TENM3: variants seen among roughly 807,000 people sequenced by gnomAD.
TENM3 encodes the protein teneurin-3.
In TENM3, 63 loss-of-function variants were observed where a neutral mutation model predicts 255.1. The observed-to-expected ratio is 0.25, with a 90% CI of 0.20 to 0.30. The LOEUF (loss-of-function observed/expected upper bound fraction) is 0.30, where lower values mean the gene tolerates loss of function less well. TENM3 is among the 10% of genes least tolerant of loss of function. TENM3 has a pLI of 1.00. For synonymous variants in TENM3, 1,306 were observed against 1,322.3 expected (o/e 0.99, Z 0.27); for missense variants, 2,929 against 3,461.1 (o/e 0.85, Z 3.86).
intron 1 of TENM3, among the ~76,000 whole-genome samples, chr4:182,313,714 G>C (rs1184522407): frequency 6.6e-6 from 1 of 152,064 alleles, no homozygotes; most frequent in Non-Finnish European, 1.5e-5. Context: ...CAGTGCTTAG[G>C]GGATGGCCTC....
the TENM3 span, among the ~76,000 whole-genome samples, chr4:181,570,849 G>A: frequency 2.6e-5 from 4 of 152,178 alleles, no homozygotes; most frequent in African/African-American, 7.2e-5. Context: ...GGGATGGAGC[G>A]AGAGAAGGTG....
the TENM3 span, among the ~76,000 whole-genome samples, chr4:181,525,665 A>G: frequency 6.6e-6 from 1 of 152,094 alleles, no homozygotes; most frequent in Non-Finnish European, 1.5e-5. Context: ...TTTTTGTATA[A>G]CTAGAATGTT....
At chr4:181,702,232 C>T in the TENM3 span, among the ~76,000 whole-genome samples, 1 of 152,170 alleles carries the variant, frequency 6.6e-6, no homozygotes, top group African/African-American at 2.4e-5. Flanking sequence ...GTCATTCCTT[C>T]GTTTTTCTGT....
At chr4:182,250,406 T>C (rs1312813696) in intron 1 of TENM3, among the ~76,000 whole-genome samples, 1 of 152,184 alleles carries the variant, frequency 6.6e-6, no homozygotes, top group African/African-American at 2.4e-5. Context: ...CCACTTGGCC[T>C]TATTATCCTT....
intron 22 of TENM3, among the ~76,000 whole-genome samples, chr4:182,762,696 G>A (rs1168106568): frequency 6.6e-6 from 1 of 152,174 alleles, no homozygotes; most frequent in African/African-American, 2.4e-5. Flanking sequence ...TCCTAGAGTG[G>A]TGTCAGAATA....
intron 3 of TENM3, among the ~76,000 whole-genome samples, chr4:182,435,414 C>T (rs1049415805): frequency 6.6e-6 from 1 of 152,018 alleles, no homozygotes; most frequent in Non-Finnish European, 1.5e-5. Context: ...GTCTTTATGC[C>T]AGGAAAAAGC....
chr4:182,494,077 C>T (rs1322041591), intron 3 of TENM3, among the ~76,000 whole-genome samples: 2 of 152,012 alleles, frequency 1.3e-5, no homozygotes, highest in East Asian at 1.9e-4. Flanking sequence ...AGATGGGTTT[C>T]GTGCATTTTC....
chr4:181,593,619 T>C, the TENM3 span, among the ~76,000 whole-genome samples: 3 of 152,216 alleles, frequency 2.0e-5, no homozygotes, highest in African/African-American at 4.8e-5. Context: ...TTTGTTAGTA[T>C]ACATATTTTT....
chr4:182,705,682 T>A (rs985754525), intron 12 of TENM3, among the ~76,000 whole-genome samples: 1 of 152,190 alleles, frequency 6.6e-6, no homozygotes, highest in Non-Finnish European at 1.5e-5. Flanking sequence ...ATTAACCTTG[T>A]TCCATGTCTC....
At chr4:181,792,288 CTTG>C in the TENM3 span, among the ~76,000 whole-genome samples, 3 of 152,060 alleles carry the variant, frequency 2.0e-5, no homozygotes, top group African/African-American at 7.2e-5. Context: ...CATAAACATT[CTTG>C]TGTATTTTGA....
At chr4:181,703,581 G>T in the TENM3 span, among the ~76,000 whole-genome samples, 7 of 152,224 alleles carry the variant, frequency 4.6e-5, no homozygotes, top group East Asian at 1.4e-3. Flanking sequence ...ACTTGATCAG[G>T]GTCACTGTGT....
chr4:181,832,613 C>T, the TENM3 span, among the ~76,000 whole-genome samples: 1 of 152,140 alleles, frequency 6.6e-6, no homozygotes, highest in Non-Finnish European at 1.5e-5. Context: ...TCTATAGATA[C>T]GCTAAGAGAC....
the TENM3 span, among the ~76,000 whole-genome samples, chr4:182,062,797 G>A: frequency 2.5e-4 from 38 of 152,340 alleles, no homozygotes; most frequent in Middle Eastern, 3.4e-3. Context: ...AGAGGGTTTT[G>A]AGAAGTTTAG....
intron 3 of TENM3, among the ~76,000 whole-genome samples, chr4:182,353,646 G>C (rs1186253154): frequency 6.6e-6 from 1 of 152,290 alleles, no homozygotes; most frequent in South Asian, 2.1e-4. Context: ...TCATGGGTAT[G>C]TACAAGTCAC....
intron 1 of TENM3, among the ~76,000 whole-genome samples, chr4:182,161,915 GTA>G (rs1467829022): frequency 1.2e-3 from 7 of 5,784 alleles, no homozygotes; most frequent in African/African-American, 2.2e-3. Context: ...ACACACACAT[GTA>G]TGTGTATATA....
the TENM3 span, among the ~76,000 whole-genome samples, chr4:181,961,587 T>A: frequency 4.6e-5 from 7 of 151,978 alleles, no homozygotes; most frequent in Non-Finnish European, 8.8e-5. Flanking sequence ...GTCCGGCTAA[T>A]TTTTTGTGTT....
the TENM3 span, among the ~76,000 whole-genome samples, chr4:181,891,105 A>G: frequency 6.6e-6 from 1 of 152,186 alleles, no homozygotes; most frequent in East Asian, 1.9e-4. Flanking sequence ...ACTTGAAAGT[A>G]AGATGGATTG....
intron 5 of TENM3, among the ~76,000 whole-genome samples, chr4:182,640,643 G>A (rs1045004587): frequency 6.6e-6 from 1 of 152,098 alleles, no homozygotes; most frequent in Non-Finnish European, 1.5e-5. Context: ...AAATAAGAAA[G>A]TGGGCCATTT....
intron 3 of TENM3, among the ~76,000 whole-genome samples, chr4:182,400,917 A>C (rs1467128032): frequency 2.0e-5 from 3 of 152,218 alleles, no homozygotes; most frequent in Admixed American, 1.3e-4. Context: ...GTAGAAAGCA[A>C]GGCAAGGCAT....
Sources: allele counts gnomAD v4.1 joint callset (sites outside exome capture counted in the v4.1 genomes callset), GRCh38; gene constraint gnomAD v4.1.1; transcripts MANE v1.5; gene names NCBI Gene and HGNC (gene_info 2026-07-23, HGNC 2026-07-21).